WNK2: variants seen among roughly 807,000 people sequenced by gnomAD.
The protein encoded by WNK2 is serine/threonine-protein kinase WNK2.
In WNK2, 67 loss-of-function variants were observed where a neutral mutation model predicts 192.1. The observed-to-expected ratio is 0.35, with a 90% CI of 0.29 to 0.43. The LOEUF (loss-of-function observed/expected upper bound fraction) is 0.43. Among genes scored for constraint, WNK2 ranks in the 20% least tolerant of loss-of-function variants. The pLI is 1.00. For synonymous variants in WNK2, 1,439 were observed against 1,393.9 expected, an observed-to-expected ratio of 1.03 and a Z score of -0.72; for missense variants, 2,698 against 3,089.7, an observed-to-expected ratio of 0.87 and a Z score of 3.01.
chr9:93,291,674 G>A (rs922896626), intron 21 of WNK2, among the ~76,000 whole-genome samples: 1 of 152,208 alleles, frequency 6.6e-6, no homozygotes, highest in Non-Finnish European at 1.5e-5. Context: ...GGCTCCATCC[G>A]CTGCTGCCAC....
Position 93,308,376 on chromosome 9 carries a change from C to G in WNK2, c.6308C>G (p.Pro2103Arg). The G allele has an allele frequency of 6.4e-7, 1 of 1,562,498 alleles. No individual in the cohort carries two copies. Among genetic ancestry groups the G allele is most frequent in the African/African-American group, 1.4e-5 (1 of 73,744 alleles). The change falls in exon 28 of 30, where the codon CCC (proline) becomes CGC (arginine). Residue 2103 changes from proline (P) to arginine (R), a missense_variant. Coordinates refer to ENST00000427277, the MANE Select transcript of WNK2 (RefSeq NM_006648.4). ...CCAGGCCCTGAGCCAGGCCCCCAGC[C>G]CGCCCTGCACGTCCAGGCGCAGGTG... ...LAPGPEPGPQ[P>R]ALHVQAQVNN... is the part of the protein sequence containing the mutation.
chr9:93,185,132 C>T lies in WNK2; in HGVS notation c.203C>T (p.Pro68Leu). The stretch of plus-strand genomic sequence containing the variant: ...GCCGAGGCGCCGGGCCCGCAGCCCC[C>T]GCAGCCCCTGCAGCGCCGGGTGCTT... ...EAAEAPGPQP[P>L]QPLQRRVLLL... The change falls in exon 2 of 30, where the codon CCG (proline) becomes CTG (leucine). Residue 68 changes from proline to leucine, a missense_variant. Pro to Leu is a moderately conservative substitution (Grantham distance 98). Coordinates refer to ENST00000427277, the MANE Select transcript of WNK2 (RefSeq NM_006648.4). 1 of 1,307,272 alleles carries T rather than the reference C, an allele frequency of 7.6e-7. No individual in the cohort carries two copies. The highest frequency in any genetic ancestry group is 9.8e-7 in the Non-Finnish European group (1 of 1,021,964). The allele number at this position is 1,307,272 out of a possible 1,614,324, so 81.0% of individuals were successfully genotyped here.
chr9:93,293,063 C>T lies in WNK2; in HGVS notation c.5598C>T (p.Pro1866=). The T allele has an allele frequency of 6.2e-7, 1 of 1,610,942 alleles. No individual in the cohort carries two copies. The highest frequency in any genetic ancestry group is 1.1e-5 in the South Asian group (1 of 90,924). ...CCAGCAGGGTGGGCATGAAGGTCCC[C>T]ACGATCAGCGTGACCTCCTTCCATT... is the stretch of plus-strand genomic sequence containing the variant. ...ETPSRVGMKV[P]TISVTSFHSQ... The change falls in exon 23 of 30, where the codon CCC becomes CCT. Residue 1866 remains proline (P), a synonymous_variant. Coordinates refer to ENST00000427277, the MANE Select transcript of WNK2 (RefSeq NM_006648.4).
At chr9:93,238,342 G>C (rs551232751) in intron 6 of WNK2, 21 bp downstream of exon 6, 5 of 1,597,830 alleles carry the variant, frequency 3.1e-6, no homozygotes, top group Non-Finnish European at 3.4e-6. Flanking sequence ...CTGAAGGGCT[G>C]GGTTCTGGGG....
At position 93,257,220 on chromosome 9, in the gene WNK2, G is replaced by A. The variant is rs1195452676; in HGVS notation, c.2382+81G>A. The A allele has an allele frequency of 6.2e-6, 9 of 1,460,218 alleles. No individual in the cohort carries two copies. The highest frequency in any genetic ancestry group is 8.3e-6 in the Non-Finnish European group (9 of 1,085,314). 90.5% of individuals were successfully genotyped at this position (1,460,218 alleles called of 1,614,324 possible). Reference sequence around the variant, plus strand: ...GCTGGTGCACTAGGACACCCACAGAGGGGGTTGTCTGTGCATGTGACCTGT... The same window carrying A: ...GCTGGTGCACTAGGACACCCACAGAAGGGGTTGTCTGTGCATGTGACCTGT... On this transcript the variant is annotated intron_variant, in intron 11 of 29. Coordinates refer to ENST00000427277, the MANE Select transcript of WNK2 (RefSeq NM_006648.4). This position sits in a 1 kb window ranked among gnomAD's most constrained non-coding sequence, Gnocchi z 4.7.
At chr9:93,203,302 T>G (rs971872455) in intron 2 of WNK2, among the ~76,000 whole-genome samples, 6 of 151,556 alleles carry the variant, frequency 4.0e-5, no homozygotes, top group Non-Finnish European at 7.4e-5. Flanking sequence ...ATGGCTGGAG[T>G]GGACAGTGGT....
rs147361373 is a variant in WNK2, at chr9:93,191,095, G to T, written c.681+5485G>T. Among the ~76,000 whole-genome samples the T allele has an allele frequency of 3.5e-3, 526 of 152,238 alleles. 6 individuals carry two copies. Among genetic ancestry groups the T allele is most frequent in the African/African-American group, 0.012 (504 of 41,548 alleles). On this transcript the variant is annotated intron_variant, in intron 2 of 29. Transcript: ENST00000427277. ...GACTTGGTGGCAGTGCCACGACTGT[G>T]TCAGGCTCTGGGAAGCAAGTGGCCA...
chr9:93,319,834 T>C (rs1404319714), intron 29 of WNK2, among the ~76,000 whole-genome samples: 2 of 152,152 alleles, frequency 1.3e-5, no homozygotes, highest in East Asian at 3.9e-4. Context: ...ACTCAGCGCA[T>C]GGTGGCAGCC....
Position 93,302,653 on chromosome 9 carries a change from G to A in WNK2, c.6214+2504G>A, listed in dbSNP as rs569972486. Among the ~76,000 whole-genome samples the A allele has an allele frequency of 7.9e-5, 12 of 152,330 alleles. No individual in the cohort carries two copies. The East Asian group carries it at 9.7e-4, about 12-fold the overall frequency. On this transcript the variant is annotated intron_variant, in intron 26 of 29. Coordinates refer to ENST00000427277, the MANE Select transcript of WNK2 (RefSeq NM_006648.4). ...GAGGCCAGGCCAGAGGATGGGCTGC[G>A]GGTGCCCAGGTGGCTGTGCCCAGGG...
At position 93,211,183 on chromosome 9, in the gene WNK2, CATTCACACA is replaced by C. The variant is rs1563996763; in HGVS notation, c.682-18512_682-18504del. 1.0e-3 allele frequency among the ~76,000 whole-genome samples: 153 copies of C among 151,830 alleles called. No individual in the cohort carries two copies. The Middle Eastern group carries it at 0.01, about 10-fold the overall frequency. On this transcript the variant is annotated intron_variant, in intron 2 of 29. Transcript: ENST00000427277. ...AGATTCCCTCACTCATACATCCACT[CATTCACACA>C]CTCACACATTTACTCATTCAATCAC...
In WNK2 at chr9:93,252,896, C is replaced by T. The variant is rs776731494; in HGVS notation, c.1848C>T (p.Phe616=). 29 of 1,499,206 alleles carry T rather than the reference C, an allele frequency of 1.9e-5. No homozygotes were observed. The highest frequency in any genetic ancestry group is 5.2e-5 in the East Asian group (2 of 38,176). 92.9% of individuals were successfully genotyped at this position (1,499,206 alleles called of 1,614,324 possible). ...TGTCCTCCCCAGCGGACAGCACCTTCGACAGCGGCCAGGGCTCTACCGTGT... is the reference window on the plus strand; with the variant it reads ...TGTCCTCCCCAGCGGACAGCACCTTTGACAGCGGCCAGGGCTCTACCGTGT... ...SATSLASDST[F]DSGQGSTVYS... Residue 616 remains phenylalanine (F), a synonymous_variant, in exon 9 of 30, where the codon TTC becomes TTT. Transcript: ENST00000427277.
chr9:93,305,048 TC>T (rs1345065445), intron 26 of WNK2, among the ~76,000 whole-genome samples: 1 of 152,194 alleles, frequency 6.6e-6, no homozygotes, highest in Non-Finnish European at 1.5e-5. Flanking sequence ...TGATCGCAGG[TC>T]CAGGCTCCCT....
At position 93,190,364 on chromosome 9, in the gene WNK2, T is replaced by C. The variant is rs1196012913; in HGVS notation, c.681+4754T>C. ...GGCTGAGGCACCACAGCTTGTTTTC[T>C]ACTAGAAGCAGGTGCTCCTGTGGCT... On this transcript the variant is annotated intron_variant, in intron 2 of 29. Coordinates refer to ENST00000427277, the MANE Select transcript of WNK2 (RefSeq NM_006648.4). Among the ~76,000 whole-genome samples the C allele has an allele frequency of 2.6e-5, 4 of 152,216 alleles. No individual in the cohort carries two copies. In the East Asian group the frequency reaches 7.7e-4, roughly 29 times the overall value.
chr9:93,294,247 G>T (rs1849874852), intron 23 of WNK2, among the ~76,000 whole-genome samples: 1 of 151,986 alleles, frequency 6.6e-6, no homozygotes, highest in Admixed American at 6.5e-5. Flanking sequence ...GGGGTGGTCA[G>T]TGCCATACAT....
intron 17 of WNK2, 21 bp downstream of exon 17, chr9:93,267,937 G>A (rs758169100): frequency 1.2e-6 from 2 of 1,610,996 alleles, no homozygotes; most frequent in South Asian, 2.2e-5. Flanking sequence ...GAAATCCGGG[G>A]TGGGAGGTGG....
Position 93,306,713 on chromosome 9 carries a change from G to A in WNK2, c.6215-64G>A, listed in dbSNP as rs1043017698. ...GACGACTTTTGCTTAGTGTGGTAGC[G>A]TGTCCCAGTGTGTGCTGTTCTGCCT... On this transcript the variant is annotated intron_variant, in intron 26 of 29. Coordinates refer to ENST00000427277, the MANE Select transcript of WNK2 (RefSeq NM_006648.4). 14 of 1,595,346 alleles carry A rather than the reference G, an allele frequency of 8.8e-6. No individual in the cohort carries two copies. In the East Asian group the frequency reaches 1.3e-4, roughly 15 times the overall value.
At chr9:93,269,789 A>G (rs1012606296) in intron 19 of WNK2, among the ~76,000 whole-genome samples, 9 of 152,206 alleles carry the variant, frequency 5.9e-5, no homozygotes, top group Admixed American at 2.6e-4. Flanking sequence ...TCCTTCATCT[A>G]TGCACTGAGT....
intron 27 of WNK2, chr9:93,307,821 CA>C (rs1852865362): frequency 6.5e-6 from 1 of 153,746 alleles, no homozygotes; most frequent in South Asian, 2.1e-4. Context: ...TCCCGTGGGC[CA>C]GGGGGCTGCC....
chr9:93,240,065 T>G, intron 7 of WNK2, 89 bp downstream of exon 7: 1 of 1,380,630 alleles, frequency 7.2e-7, no homozygotes, highest in Non-Finnish European at 1.0e-6. Context: ...CTGAGGGGGC[T>G]TGCTCCGGAG....
Sources: gnomAD v4.1 joint callset for allele counts (sites outside exome capture counted in the v4.1 genomes callset) on GRCh38, gnomAD v4.1.1 for gene constraint, Gnocchi (gnomAD v3.1) non-coding constraint, MANE v1.5 for transcripts, NCBI Gene and HGNC (gene_info 2026-07-23, HGNC 2026-07-21) for gene names.